Variants in PCDH15 observed in about 807,000 individuals in gnomAD.
PCDH15 encodes protocadherin related 15.
Under a neutral mutation model 178.5 loss-of-function variants are expected in PCDH15, and 129 were observed. The ratio of observed to expected loss-of-function variants is 0.72; its 90% confidence interval spans 0.63 to 0.84. The LOEUF is 0.84. PCDH15 is among the 40% of genes least tolerant of loss of function. The pLI is 0.00. For synonymous variants in PCDH15, 800 were observed against 732.0 expected, an observed-to-expected ratio of 1.09 and a Z score of -1.50; for missense variants, 2,230 against 2,099.9, an observed-to-expected ratio of 1.06 and a Z score of -1.21.
chr10:55,219,053 T>C (rs1840793131), intron 1 of PCDH15, among the ~76,000 whole-genome samples: 1 of 152,008 alleles, frequency 6.6e-6, no homozygotes. Flanking sequence ...GACTTTGTTT[T>C]AATAATCTCT....
At chr10:55,168,944 T>C (rs966640938) in intron 1 of PCDH15, among the ~76,000 whole-genome samples, 7 of 152,112 alleles carry the variant, frequency 4.6e-5, no homozygotes, top group Admixed American at 1.3e-4. Flanking sequence ...ATTAAACAAA[T>C]AATTTATGTT....
At chr10:54,326,859 G>C (rs1031412484) in intron 7 of PCDH15, among the ~76,000 whole-genome samples, 1 of 152,074 alleles carries the variant, frequency 6.6e-6, no homozygotes, top group Non-Finnish European at 1.5e-5. Context: ...TTTTAAAAAT[G>C]CTTAAAATGT....
intron 8 of PCDH15, among the ~76,000 whole-genome samples, chr10:54,308,447 CCTT>C (rs1256656048): frequency 6.6e-6 from 1 of 151,766 alleles, no homozygotes; most frequent in African/African-American, 2.4e-5. Context: ...TTTTTTGCCT[CCTT>C]AATAGTTATT....
intron 3 of PCDH15, among the ~76,000 whole-genome samples, chr10:54,820,831 T>C (rs889969152): frequency 1.6e-4 from 24 of 152,034 alleles, no homozygotes; most frequent in African/African-American, 4.8e-5. Context: ...TAATGAATTA[T>C]ATTAATTCCA....
chr10:55,096,063 C>T (rs1312679389), intron 2 of PCDH15, among the ~76,000 whole-genome samples: 1 of 151,966 alleles, frequency 6.6e-6, no homozygotes, highest in East Asian at 1.9e-4. Flanking sequence ...AGTTCTAAAG[C>T]CATGTGATTA....
In PCDH15 at chr10:55,156,732, G is replaced by C. The variant is rs183001274; in HGVS notation, c.-80+9844C>G. Among the ~76,000 whole-genome samples, 28 of 152,188 alleles carry C rather than the reference G, an allele frequency of 1.8e-4. 1 individual carries two copies. The highest frequency in any genetic ancestry group is 9.2e-4 in the Admixed American group (14 of 15,254). On this transcript the variant is annotated intron_variant, in intron 2 of 5. Coordinates refer to the PCDH15 transcript ENST00000458638. The stretch of plus-strand genomic sequence containing the variant: ...AAGATGATAATGACCTTATTCCAGA[G>C]GGGGAGTTTGTAACCTAAGCTAAGT...
chr10:54,269,713 T>A (rs2057926941), intron 8 of PCDH15, among the ~76,000 whole-genome samples: 1 of 152,020 alleles, frequency 6.6e-6, no homozygotes, highest in African/African-American at 2.4e-5. Context: ...TAGTTTTTTC[T>A]TCACAGAAGC....
chr10:53,857,028 A>C, intron 28 of PCDH15, 147 bp downstream of exon 28: 1 of 640,850 alleles, frequency 1.6e-6, no homozygotes, highest in African/African-American at 1.8e-5. Context: ...TGGTTGGCAC[A>C]CTCGAAGCCT....
At position 54,569,170 on chromosome 10, in the gene PCDH15, T is replaced by C. The variant is rs185621113; in HGVS notation, c.92-41293A>G. Among the ~76,000 whole-genome samples the C allele has an allele frequency of 7.8e-3, 1,180 of 152,090 alleles. 9 individuals carry two copies. Among genetic ancestry groups the C allele is most frequent in the Non-Finnish European group, 0.014 (927 of 67,960 alleles). On this transcript the variant is annotated intron_variant, in intron 2 of 37. Transcript: ENST00000644397. ...CATATGCTAATACAGAGTCAATATATACTTGGATAGTTTGTTATTACTATT... is the reference window on the plus strand; with the variant it reads ...CATATGCTAATACAGAGTCAATATACACTTGGATAGTTTGTTATTACTATT...
rs140987485 is a variant in PCDH15, at chr10:54,491,308, C to CAAA, written c.157+36501_157+36503dup. On this transcript the variant is annotated intron_variant, in intron 3 of 37. Transcript: ENST00000644397. ...ACAAAGTATTATCCCTATGATGTCT[C>CAAA]AAAAAAAAAAAGAAAGAAAAGTTAA... is the stretch of plus-strand genomic sequence containing the variant. 2.3e-4 allele frequency among the ~76,000 whole-genome samples: 31 copies of CAAA among 133,366 alleles called. 1 individual carries two copies. The highest frequency in any genetic ancestry group is 1.2e-3 in the South Asian group (5 of 4,170). 87.5% of individuals were successfully genotyped at this position (133,366 alleles called of 152,430 possible).
intron 3 of PCDH15, among the ~76,000 whole-genome samples, chr10:54,512,415 TG>T (rs1418723422): frequency 7.1e-6 from 1 of 140,402 alleles, no homozygotes; most frequent in Non-Finnish European, 1.6e-5. Flanking sequence ...TATTGGGGGA[TG>T]ATGCGTATAT....
chr10:55,601,173 G>C (rs1207156576), intron 2 of PCDH15, among the ~76,000 whole-genome samples: 2 of 152,074 alleles, frequency 1.3e-5, no homozygotes, highest in African/African-American at 2.4e-5. Flanking sequence ...AGATCAATTT[G>C]GCAAAGAGAA....
intron 8 of PCDH15, among the ~76,000 whole-genome samples, chr10:54,315,520 G>A (rs980103485): frequency 5.9e-5 from 9 of 152,268 alleles, no homozygotes; most frequent in African/African-American, 1.9e-4. Context: ...CTGTGCAGAA[G>A]CTCTTAAGTT....
chr10:55,320,822 C>T (rs769295559), upstream of PCDH15, among the ~76,000 whole-genome samples: 2 of 152,110 alleles, frequency 1.3e-5, no homozygotes, highest in African/African-American at 4.8e-5. Flanking sequence ...TATCAGCACA[C>T]GAAGATAAGA....
intron 2 of PCDH15, among the ~76,000 whole-genome samples, chr10:55,336,861 G>A (rs1844409738): frequency 6.6e-6 from 1 of 152,136 alleles, no homozygotes; most frequent in Admixed American, 6.6e-5. Flanking sequence ...CTTTTCTCTT[G>A]TTAATCTGCT....
At chr10:54,496,181 T>C (rs1232506971) in intron 3 of PCDH15, among the ~76,000 whole-genome samples, 1 of 152,144 alleles carries the variant, frequency 6.6e-6, no homozygotes, top group East Asian at 1.9e-4. Context: ...TTCACTAGTA[T>C]TACTTCAGTT....
intron 2 of PCDH15, among the ~76,000 whole-genome samples, chr10:55,432,082 A>AACACACACACACACACACACACAC (rs58866288): frequency 8.1e-5 from 12 of 148,500 alleles, no homozygotes; most frequent in South Asian, 6.5e-4. Flanking sequence ...CTATCATTTA[A>AACACACACACACACACACACACAC]ACACACACAC....
chr10:55,440,845 A>C (rs993207607), intron 2 of PCDH15, among the ~76,000 whole-genome samples: 1 of 152,142 alleles, frequency 6.6e-6, no homozygotes, highest in Admixed American at 6.5e-5. Context: ...GGCGGAAGAC[A>C]AAAGGCACAT....
chr10:53,856,995 G>A (rs1770534236), intron 28 of PCDH15, among the ~76,000 whole-genome samples, 180 bp downstream of exon 28: 2 of 151,940 alleles, frequency 1.3e-5, no homozygotes, highest in African/African-American at 2.4e-5. Flanking sequence ...ATTAGCTATT[G>A]GCTACAGTGC....
Sources: allele counts gnomAD v4.1 joint callset (sites outside exome capture counted in the v4.1 genomes callset), GRCh38; gene constraint gnomAD v4.1.1; transcripts MANE v1.5; gene names NCBI Gene and HGNC (gene_info 2026-07-23, HGNC 2026-07-21).